The following CLCN1 variants were observed in gnomAD, a reference collection of about 807,000 sequenced individuals.
The protein encoded by CLCN1 is chloride voltage-gated channel 1.
In CLCN1, 100 loss-of-function variants were observed where a neutral mutation model predicts 114.5. That is an observed-to-expected ratio of 0.87 (90% CI 0.74 to 1.03). The LOEUF (loss-of-function observed/expected upper bound fraction) is 1.03, where lower values mean the gene tolerates loss of function less well. Ranked by LOEUF, CLCN1 falls within the 50% of genes least tolerant of loss-of-function variation. The pLI is 0.00. For missense variants in CLCN1, 1,188 were observed against 1,250.0 expected (o/e 0.95, Z 0.75); for synonymous variants, 485 against 487.1 (o/e 1.00, Z 0.06).
At chr7:143,344,835 C>T (rs548698496) in intron 16 of CLCN1, among the ~76,000 whole-genome samples, 253 of 150,262 alleles carry the variant, frequency 1.7e-3, no homozygotes, top group African/African-American at 5.9e-3. Flanking sequence ...ACTGCAACCT[C>T]TGCCTCCCGG....
In CLCN1 at chr7:143,350,966, C is replaced by T. The variant is rs1330713224; in HGVS notation, c.2595+312C>T. ...TAATTTTTTGTATTTTTAGTAGAGA[C>T]GGGGTTTTGCCATGTTGGGCAGGCT... On this transcript the variant is annotated intron_variant, in intron 22 of 22. Coordinates refer to ENST00000343257, the MANE Select transcript of CLCN1 (RefSeq NM_000083.3). This position sits in a 1 kb window ranked among gnomAD's most constrained non-coding sequence, Gnocchi z 5.1. Among the ~76,000 whole-genome samples the T allele has an allele frequency of 6.6e-6, 1 of 152,044 alleles. No homozygotes were observed. The highest frequency in any genetic ancestry group is 1.5e-5 in the Non-Finnish European group (1 of 68,014).
intron 6 of CLCN1, chr7:143,323,825 C>T: frequency 2.1e-6 from 1 of 474,658 alleles, no homozygotes; most frequent in South Asian, 1.5e-5. Context: ...GCAGACCGTG[C>T]CTGGGCAGCT....
In CLCN1 at chr7:143,329,465, A is replaced by G. The variant is rs189628912; in HGVS notation, c.854-1307A>G. ...CACTGGAAATCCTCTGCCAAACTGT[A>G]GCAGCTGCTGCATTTGGGAGTAACC... On this transcript the variant is annotated intron_variant, in intron 7 of 22. Coordinates refer to ENST00000343257, the MANE Select transcript of CLCN1 (RefSeq NM_000083.3). Among the ~76,000 whole-genome samples the G allele has an allele frequency of 2.4e-3, 363 of 152,284 alleles. 3 individuals are homozygous for G. The highest frequency in any genetic ancestry group is 8.3e-3 in the African/African-American group (346 of 41,552).
At chr7:143,327,745 C>T (rs1802612311) in intron 7 of CLCN1, among the ~76,000 whole-genome samples, 1 of 152,162 alleles carries the variant, frequency 6.6e-6, no homozygotes, top group Non-Finnish European at 1.5e-5. Context: ...ACCTCTGTCT[C>T]CTGGGTTCAA....
In CLCN1 at chr7:143,321,482, C is replaced by T. The variant is rs1397098562; in HGVS notation, c.551C>T (p.Pro184Leu). 1 of 1,614,038 alleles carries T rather than the reference C, an allele frequency of 6.2e-7. No individual in the cohort carries two copies. Among genetic ancestry groups the T allele is most frequent in the Non-Finnish European group, 8.5e-7 (1 of 1,180,040 alleles). Residue 184 changes from proline to leucine, a missense_variant, in exon 4 of 23, where the codon CCC (proline) becomes CTC (leucine). Transcript: ENST00000343257. This position sits in a 1 kb window ranked among gnomAD's most constrained non-coding sequence, Gnocchi z 4.2. ...GCCCTCTTCTGCCACCTCATCTCTC[C>T]CCAGGCTGTTGGTGAGAACTTGCCA... Reference protein sequence around the residue: ...FSALFCHLISPQAVGSGIPEM... With the variant: ...FSALFCHLISLQAVGSGIPEM...
At position 143,321,189 on chromosome 7, in the gene CLCN1, A is replaced by G. The variant is rs1802420913; in HGVS notation, c.434-176A>G. Among the ~76,000 whole-genome samples, 1 of 152,220 alleles carries G rather than the reference A, an allele frequency of 6.6e-6. No individual in the cohort carries two copies. Among genetic ancestry groups the G allele is most frequent in the Non-Finnish European group, 1.5e-5 (1 of 68,028 alleles). ...ATTCGTGACACAGCCACCAACTGGA[A>G]CAGGCCATGTCGCCTCCATAACTCA... On this transcript the variant is annotated intron_variant, in intron 3 of 22. Coordinates refer to ENST00000343257, the MANE Select transcript of CLCN1 (RefSeq NM_000083.3). This position sits in a 1 kb window ranked among gnomAD's most constrained non-coding sequence, Gnocchi z 4.2.
intron 19 of CLCN1, 91 bp from the exon 20 acceptor site, chr7:143,346,820 G>C: frequency 7.5e-7 from 1 of 1,340,126 alleles, no homozygotes; most frequent in African/African-American, 1.4e-5. Flanking sequence ...GGTGGTCCTG[G>C]CCAGGGAGGG....
intron 2 of CLCN1, 39 bp from the exon 3 acceptor site, chr7:143,320,614 TTTGTTTGTTTG>T (rs1351835044): frequency 5.2e-6 from 8 of 1,529,482 alleles, no homozygotes; most frequent in Non-Finnish European, 6.3e-6. Context: ...TTTTTGTTTG[TTTGTTTGTTTG>T]TTGTTTGTTT....
At position 143,342,080 on chromosome 7, in the gene CLCN1, T is replaced by C; in HGVS notation, c.1734T>C (p.Tyr578=). ...MVAQSLQPSL[Y]DSIIQVKKLP... is the part of the protein sequence containing the mutation. ...CCCAGAGCCTGCAGCCCTCTCTCTATGACAGCATCATCCAGGTCAAGAAGC... is the reference window on the plus strand; with the variant it reads ...CCCAGAGCCTGCAGCCCTCTCTCTACGACAGCATCATCCAGGTCAAGAAGC... The change falls in exon 15 of 23, where the codon TAT becomes TAC. Residue 578 remains tyrosine, a synonymous_variant. Coordinates refer to ENST00000343257, the MANE Select transcript of CLCN1 (RefSeq NM_000083.3). The C allele has an allele frequency of 5.0e-6, 8 of 1,614,172 alleles. No individual in the cohort carries two copies. The highest frequency in any genetic ancestry group is 2.2e-5 in the South Asian group (2 of 91,082).
rs748630375 is a variant in CLCN1, at chr7:143,351,900, G to A, written c.2902G>A (p.Asp968Asn). 5.0e-6 allele frequency: 8 copies of A among 1,613,950 alleles called. No individual in the cohort carries two copies. The highest frequency in any genetic ancestry group is 2.2e-5 in the East Asian group (1 of 44,884). The change falls in exon 23 of 23, where the codon GAC becomes AAC. Residue 968 changes from aspartate (D) to asparagine (N), a missense_variant. Coordinates refer to ENST00000343257, the MANE Select transcript of CLCN1 (RefSeq NM_000083.3). ...ESPGLEEELADILQGPSLRST... is the reference protein window; with the variant it reads ...ESPGLEEELANILQGPSLRST... ...TCCAGGGCTGGAAGAGGAGCTGGCC[G>A]ACATCTTGCAGGGCCCCAGCCTGCG...
chr7:143,321,551 G>GTC lies in CLCN1; in HGVS notation c.562+61_562+62dup. The GTC allele has an allele frequency of 6.2e-7, 1 of 1,612,608 alleles. No homozygotes were observed. The highest frequency in any genetic ancestry group is 1.3e-5 in the African/African-American group (1 of 74,954). The stretch of plus-strand genomic sequence containing the variant: ...GGGTGGCCTGAGAGGGGCCCTGTCT[G>GTC]TCTCCCCCATCATCCAGCCCCACCC... On this transcript the variant is annotated intron_variant, in intron 4 of 22. Coordinates refer to ENST00000343257, the MANE Select transcript of CLCN1 (RefSeq NM_000083.3). The surrounding 1 kb of genome is among the most constrained non-coding windows in gnomAD (Gnocchi z 4.2).
At chr7:143,318,119 A>C (rs1241173114) in intron 1 of CLCN1, among the ~76,000 whole-genome samples, 1 of 152,074 alleles carries the variant, frequency 6.6e-6, no homozygotes, top group Non-Finnish European at 1.5e-5. Context: ...AGCCCCAAGT[A>C]CCCACCAGTT....
intron 12 of CLCN1, among the ~76,000 whole-genome samples, chr7:143,338,145 A>G (rs975744362): frequency 1.3e-5 from 2 of 151,966 alleles, no homozygotes; most frequent in Admixed American, 1.3e-4. Flanking sequence ...CACCCGGACA[A>G]TTCTTTTGTA....
At chr7:143,346,548 T>A (rs889750475) in intron 18 of CLCN1, 31 bp from the exon 19 acceptor site, 25 of 1,557,852 alleles carry the variant, frequency 1.6e-5, no homozygotes, top group Non-Finnish European at 2.2e-5. Context: ...TTGCTTTGTG[T>A]CCATTTCCAT....
In CLCN1 at chr7:143,350,474, A is replaced by G; in HGVS notation, c.2506A>G (p.Lys836Glu). ...FQLVEQTTLH[K>E]THTLFSLLGL... ...GCTGGTGGAGCAGACAACCCTGCAC[A>G]AGGTGAGTCTTTTGCTGACTGCTCA... is the stretch of plus-strand genomic sequence containing the variant. The change falls in exon 21 of 23, where the codon AAG (lysine) becomes GAG (glutamate). Residue 836 changes from lysine to glutamate, a missense_variant and splice_region_variant. By Grantham distance (56) the Lys-to-Glu change is moderately conservative (BLOSUM62 1). Transcript: ENST00000343257. This position sits in a 1 kb window ranked among gnomAD's most constrained non-coding sequence, Gnocchi z 5.1. 1 of 1,613,742 alleles carries G rather than the reference A, an allele frequency of 6.2e-7. No individual in the cohort carries two copies.
At position 143,341,953 on chromosome 7, in the gene CLCN1, T is replaced by C. The variant is rs1175929008; in HGVS notation, c.1607T>C (p.Val536Ala). 5.0e-6 allele frequency: 8 copies of C among 1,613,754 alleles called. No individual in the cohort carries two copies. The African/African-American group carries it at 1.1e-4, about 22-fold the overall frequency. ...GGAGCAGCAGCGCTGACTGGTGCCGTTTCCCACACAGTCTCCACAGCTGTG... is the reference window on the plus strand; with the variant it reads ...GGAGCAGCAGCGCTGACTGGTGCCGCTTCCCACACAGTCTCCACAGCTGTG... ...VIGAAALTGA[V>A]SHTVSTAVIC... The change falls in exon 15 of 23, where the codon GTT becomes GCT. Residue 536 changes from valine to alanine, a missense_variant. Transcript: ENST00000343257.
chr7:143,329,246 G>A (rs565607860), intron 7 of CLCN1, among the ~76,000 whole-genome samples: 8 of 152,302 alleles, frequency 5.3e-5, no homozygotes, highest in South Asian at 4.1e-4. Context: ...GATTACAAGC[G>A]TGAGCCACCA....
At chr7:143,331,500 G>A in intron 9 of CLCN1, 51 bp from the exon 10 acceptor site, 2 of 1,348,170 alleles carry the variant, frequency 1.5e-6, no homozygotes, top group Non-Finnish European at 2.1e-6. Context: ...ATGTCCAAGA[G>A]ATGAGGATTT....
intron 1 of CLCN1, among the ~76,000 whole-genome samples, chr7:143,318,787 G>A (rs981744629): frequency 3.9e-5 from 6 of 152,170 alleles, no homozygotes; most frequent in East Asian, 1.9e-4. Context: ...TGGGTCCCAC[G>A]CAGGGTTTGG....
Sources: gnomAD v4.1 joint callset for allele counts (sites outside exome capture counted in the v4.1 genomes callset) on GRCh38, gnomAD v4.1.1 for gene constraint, Gnocchi (gnomAD v3.1) non-coding constraint, MANE v1.5 for transcripts, NCBI Gene and HGNC (gene_info 2026-07-23, HGNC 2026-07-21) for gene names.